The following MELK variants were observed in gnomAD, a reference collection of about 807,000 sequenced individuals.
MELK encodes the protein pEg3 kinase.
MELK carries 81 observed loss-of-function variants against 85.0 expected under a neutral mutation model. The observed-to-expected ratio is 0.95, with a 90% CI of 0.80 to 1.15. The LOEUF (loss-of-function observed/expected upper bound fraction) is 1.15. Among genes scored for constraint, MELK ranks in the 50% most tolerant of loss-of-function variants. MELK has a pLI of 0.00. For missense variants in MELK, 754 were observed against 777.5 expected (o/e 0.97, Z 0.36); for synonymous variants, 252 against 265.0 (o/e 0.95, Z 0.48).
At chr9:36,615,295 G>T (rs1826538865) in intron 8 of MELK, among the ~76,000 whole-genome samples, 1 of 127,218 alleles carries the variant, frequency 7.9e-6, no homozygotes, top group South Asian at 2.5e-4. Flanking sequence ...CAGGCGGGGG[G>T]CTGATCCCCC....
rs750413067 is a variant in MELK, at chr9:36,630,366, A to C, written c.734A>C (p.Gln245Pro). Residue 245 changes from glutamine to proline, a missense_variant and splice_region_variant, in exon 9 of 18, where the codon CAG becomes CCG. By Grantham distance (76) the Gln-to-Pro change is moderately conservative. Coordinates refer to ENST00000298048, the MANE Select transcript of MELK (RefSeq NM_014791.4). ...SSILLLQQML[Q>P]VDPKKRISMK... ...ATTCTGCTTCTTCAACAAATGCTGC[A>C]GGTAAACTTTATTTTTAAATAATAG... is the stretch of plus-strand genomic sequence containing the variant. 1 of 1,603,084 alleles carries C rather than the reference A, an allele frequency of 6.2e-7. No individual in the cohort carries two copies. The highest frequency in any genetic ancestry group is 8.5e-7 in the Non-Finnish European group (1 of 1,171,734).
At chr9:36,634,671 C>T (rs558563449) in intron 10 of MELK, among the ~76,000 whole-genome samples, 1 of 151,784 alleles carries the variant, frequency 6.6e-6, no homozygotes, top group East Asian at 1.9e-4. Flanking sequence ...CGCCACCGCA[C>T]TCCAGCCTTG....
rs1823999693 is a variant in MELK at position 36,594,720 on chromosome 9, T to C, written c.354T>C (p.Ser118=). 6.2e-7 allele frequency: 1 copy of C among 1,614,018 alleles called. No homozygotes were observed. ...ETRVVFRQIV[S]AVAYVHSQGY... Reference sequence around the variant, plus strand: ...GGGTTGTCTTCCGTCAGATAGTATCTGCTGTTGCTTATGTGCACAGCCAGG... The same window carrying C: ...GGGTTGTCTTCCGTCAGATAGTATCCGCTGTTGCTTATGTGCACAGCCAGG... The change falls in exon 5 of 18, where the codon TCT becomes TCC. Residue 118 remains serine (S), a synonymous_variant. Coordinates refer to ENST00000298048, the MANE Select transcript of MELK (RefSeq NM_014791.4).
At chr9:36,659,048 A>AT (rs767229177) in intron 13 of MELK, among the ~76,000 whole-genome samples, 49 of 151,838 alleles carry the variant, frequency 3.2e-4, no homozygotes, top group Non-Finnish European at 6.2e-4. Flanking sequence ...CGCCTGGCTA[A>AT]TTTTTTGTAT....
At chr9:36,644,756 C>G (rs563740367) in intron 11 of MELK, among the ~76,000 whole-genome samples, 2 of 152,164 alleles carry the variant, frequency 1.3e-5, no homozygotes, top group East Asian at 3.9e-4. Context: ...ATTTACCCAC[C>G]AAAGTAGAGA....
chr9:36,585,298 C>CTTT (rs1822764852), intron 3 of MELK, among the ~76,000 whole-genome samples: 17 of 106,916 alleles, frequency 1.6e-4, no homozygotes, highest in East Asian at 5.0e-4. Flanking sequence ...TTCTACCATT[C>CTTT]TTTGTTTTTT....
At chr9:36,673,461 C>T (rs1209180033) in intron 16 of MELK, among the ~76,000 whole-genome samples, 2 of 152,152 alleles carry the variant, frequency 1.3e-5, no homozygotes, top group Admixed American at 1.3e-4. Context: ...CAGAGTCTTG[C>T]TCTGCTGCCC....
intron 8 of MELK, among the ~76,000 whole-genome samples, chr9:36,620,588 C>G (rs1336571612): frequency 2.9e-5 from 4 of 138,166 alleles, no homozygotes; most frequent in African/African-American, 1.1e-4. Context: ...CTCGCTCTGT[C>G]TCCCAGGCTG....
At chr9:36,641,330 C>A (rs774512553) in intron 10 of MELK, among the ~76,000 whole-genome samples, 27 of 152,172 alleles carry the variant, frequency 1.8e-4, no homozygotes, top group Non-Finnish European at 3.2e-4. Context: ...CCATCTCTCT[C>A]TAGCAGATGA....
At chr9:36,593,487 A>G (rs1045123309) in intron 4 of MELK, among the ~76,000 whole-genome samples, 2 of 152,150 alleles carry the variant, frequency 1.3e-5, no homozygotes, top group African/African-American at 4.8e-5. Flanking sequence ...CACTGAATCT[A>G]GTGGCACCTT....
intron 8 of MELK, among the ~76,000 whole-genome samples, chr9:36,625,266 C>T (rs1364409270): frequency 6.6e-6 from 1 of 152,086 alleles, no homozygotes; most frequent in Non-Finnish European, 1.5e-5. Flanking sequence ...AAGCTGATCT[C>T]CACTCTCTAT....
At chr9:36,603,571 A>G (rs889365915) in intron 7 of MELK, among the ~76,000 whole-genome samples, 1 of 151,800 alleles carries the variant, frequency 6.6e-6, no homozygotes. Context: ...AGCTGGGACT[A>G]CAGGTGTGCA....
chr9:36,639,177 A>G (rs1420146853), intron 10 of MELK, among the ~76,000 whole-genome samples: 5 of 152,148 alleles, frequency 3.3e-5, no homozygotes, highest in African/African-American at 1.2e-4. Flanking sequence ...TCTAATGTCA[A>G]TCTGTGTATG....
intron 9 of MELK, among the ~76,000 whole-genome samples, 197 bp downstream of exon 9, chr9:36,630,564 C>G (rs901715882): frequency 6.6e-6 from 1 of 151,866 alleles, no homozygotes; most frequent in African/African-American, 2.4e-5. Flanking sequence ...TATGTTATAG[C>G]TGGTATGGTT....
At position 36,651,775 on chromosome 9, in the gene MELK, T is replaced by A. The variant is rs1321196120; in HGVS notation, c.951T>A (p.Tyr317Ter). The change falls in exon 12 of 18, where the codon TAT becomes TAA. Residue 317 changes from tyrosine to a stop codon, truncating the protein, a stop_gained. Transcript: ENST00000298048. LOFTEE classifies it high-confidence loss of function. ...AGTATGATCACCTCACGGCTACCTATCTTCTGCTTCTAGCCAAGAAGGCTC... is the reference window on the plus strand; with the variant it reads ...AGTATGATCACCTCACGGCTACCTAACTTCTGCTTCTAGCCAAGAAGGCTC... ...LWQYDHLTAT[Y>*]LLLLAKKARG... The A allele has an allele frequency of 1.2e-6, 2 of 1,613,958 alleles. No homozygotes were observed. Among genetic ancestry groups the A allele is most frequent in the African/African-American group, 1.3e-5 (1 of 74,926 alleles).
At chr9:36,664,868 T>C (rs1449206841) in intron 13 of MELK, among the ~76,000 whole-genome samples, 2 of 152,342 alleles carry the variant, frequency 1.3e-5, no homozygotes, top group Non-Finnish European at 2.9e-5. Flanking sequence ...TTCTCATGTT[T>C]TTAGTTTGGC....
At chr9:36,611,108 A>G (rs1826017046) in intron 8 of MELK, among the ~76,000 whole-genome samples, 1 of 152,172 alleles carries the variant, frequency 6.6e-6, no homozygotes, top group Non-Finnish European at 1.5e-5. Context: ...GAAATCTGAA[A>G]CACTTCTGTT....
chr9:36,616,414 G>A (rs1366535896), intron 8 of MELK, among the ~76,000 whole-genome samples: 6 of 116,100 alleles, frequency 5.2e-5, no homozygotes, highest in African/African-American at 2.1e-4. Flanking sequence ...TTTTAAGGCA[G>A]AGCCTTACTT....
At position 36,651,833 on chromosome 9, in the gene MELK, TTCTC is replaced by T; in HGVS notation, c.1010_1013del (p.Phe337SerfsTer23). On this transcript the variant is annotated frameshift_variant, in exon 12 of 18. Coordinates refer to ENST00000298048, the MANE Select transcript of MELK (RefSeq NM_014791.4). LOFTEE classifies it high-confidence loss of function. ...ACCAGTTCGTTTAAGGCTTTCTTCT[TTCTC>T]CTGTGGACAAGCCAGTGCTACCCCA... 6.2e-7 allele frequency: 1 copy of T among 1,614,020 alleles called. No individual in the cohort carries two copies. The highest frequency in any genetic ancestry group is 8.5e-7 in the Non-Finnish European group (1 of 1,179,972).
Sources: allele counts gnomAD v4.1 joint callset (sites outside exome capture counted in the v4.1 genomes callset), GRCh38; gene constraint gnomAD v4.1.1; transcripts MANE v1.5; gene names NCBI Gene and HGNC (gene_info 2026-07-23, HGNC 2026-07-21).